The following DNAJC6 variants were observed in gnomAD, a reference collection of about 807,000 sequenced individuals.
DNAJC6 encodes the protein auxilin.
Under a neutral mutation model 110.0 loss-of-function variants are expected in DNAJC6, and 34 were observed. That is an observed-to-expected ratio of 0.31 (90% CI 0.24 to 0.41). The LOEUF (loss-of-function observed/expected upper bound fraction) is 0.41. Among genes scored for constraint, DNAJC6 ranks in the 10% least tolerant of loss-of-function variants. DNAJC6 has a pLI of 1.00. For missense variants in DNAJC6, 1,031 were observed against 1,207.8 expected (o/e 0.85, Z 2.17); for synonymous variants, 406 against 437.2 (o/e 0.93, Z 0.89).
chr1:65,277,613 C>G (rs1653713568), intron 1 of DNAJC6, among the ~76,000 whole-genome samples: 1 of 150,544 alleles, frequency 6.6e-6, no homozygotes, highest in Non-Finnish European at 1.5e-5. Context: ...GGCAAAAAAG[C>G]AAGGGTTTTC....
rs752269070 is a variant in DNAJC6, at chr1:65,379,437, C to G, written c.579C>G (p.Pro193=). The change falls in exon 5 of 19, where the codon CCC becomes CCG. Residue 193 remains proline, a synonymous_variant. Coordinates refer to ENST00000371069, the MANE Select transcript of DNAJC6 (RefSeq NM_001256864.2). ...GCAGTTGGCCCATTAGGCAGGCTCCCAGTCTGCACAACCTTTTTGCTGTGT... is the reference window on the plus strand; with the variant it reads ...GCAGTTGGCCCATTAGGCAGGCTCCGAGTCTGCACAACCTTTTTGCTGTGT... ...SECSWPIRQA[P]SLHNLFAVCR... is the part of the protein sequence containing the mutation. 2.5e-6 allele frequency: 4 copies of G among 1,614,156 alleles called. No homozygotes were observed. Among genetic ancestry groups the G allele is most frequent in the Middle Eastern group, 1.7e-4 (1 of 6,060 alleles).
At chr1:65,335,739 G>A (rs1273637740) in intron 1 of DNAJC6, among the ~76,000 whole-genome samples, 4 of 152,188 alleles carry the variant, frequency 2.6e-5, no homozygotes, top group African/African-American at 7.2e-5. Context: ...ACAGAGGCCT[G>A]TTCCTATAGA....
At chr1:65,291,519 G>A (rs1465715347) in intron 1 of DNAJC6, among the ~76,000 whole-genome samples, 2 of 152,116 alleles carry the variant, frequency 1.3e-5, no homozygotes, top group Non-Finnish European at 2.9e-5. Context: ...AAATGGATTT[G>A]AGTCACTTAG....
chr1:65,369,778 G>A (rs1292306386), intron 4 of DNAJC6, among the ~76,000 whole-genome samples: 1 of 152,150 alleles, frequency 6.6e-6, no homozygotes, highest in Non-Finnish European at 1.5e-5. Flanking sequence ...TTTGCTGAGG[G>A]TTGTCATTCT....
chr1:65,380,061 A>G (rs540656895), intron 5 of DNAJC6, among the ~76,000 whole-genome samples: 3 of 152,282 alleles, frequency 2.0e-5, no homozygotes, highest in Admixed American at 2.0e-4. Context: ...TTACAACTCA[A>G]CTTTCAGTAA....
chr1:65,302,281 T>C (rs1415005767), intron 1 of DNAJC6, among the ~76,000 whole-genome samples: 2 of 20,136 alleles, frequency 9.9e-5, no homozygotes, highest in African/African-American at 5.4e-4. Context: ...TATTATATAA[T>C]ATAATATATA....
intron 4 of DNAJC6, among the ~76,000 whole-genome samples, chr1:65,368,777 T>C (rs1346706885): frequency 9.1e-6 from 1 of 109,702 alleles, no homozygotes; most frequent in African/African-American, 3.4e-5. Flanking sequence ...CCCCTCCCCT[T>C]CCCTTCCCTT....
At position 65,268,600 on chromosome 1, in the gene DNAJC6, A is replaced by G. The variant is rs959296127; in HGVS notation, c.-131+3668A>G. Among the ~76,000 whole-genome samples the G allele has an allele frequency of 3.3e-5, 5 of 152,348 alleles. No homozygotes were observed. In the East Asian group the frequency reaches 9.6e-4, roughly 29 times the overall value. On this transcript the variant is annotated intron_variant, in intron 1 of 19. Coordinates refer to the DNAJC6 transcript ENST00000263441. Reference sequence around the variant, plus strand: ...TACATAGCTAGTTAATGGCAGAGCCATGATTCAAAATCAGGTCTTTTTTTA... The same window carrying G: ...TACATAGCTAGTTAATGGCAGAGCCGTGATTCAAAATCAGGTCTTTTTTTA...
In DNAJC6 at chr1:65,360,440, G is replaced by A. The variant is rs912466554; in HGVS notation, c.194-4195G>A. Among the ~76,000 whole-genome samples, 11 of 152,150 alleles carry A rather than the reference G, an allele frequency of 7.2e-5. 1 individual carries two copies. The highest frequency in any genetic ancestry group is 2.6e-4 in the Admixed American group (4 of 15,272). On this transcript the variant is annotated intron_variant, in intron 1 of 18. Coordinates refer to ENST00000371069, the MANE Select transcript of DNAJC6 (RefSeq NM_001256864.2). ...ATATCTTTTAATAGGCTGGTGCCTT[G>A]TAGTTCTATTCCAGCATAAAACTGA...
rs561389842 is a variant in DNAJC6 at position 65,364,789 on chromosome 1, C to T, written c.344+4C>T. On this transcript the variant is annotated splice_donor_region_variant and intron_variant, in intron 2 of 18. Coordinates refer to ENST00000371069, the MANE Select transcript of DNAJC6 (RefSeq NM_001256864.2). ...GAGTGATACAATCTGTGACCAGGTA[C>T]GCACATTCTTCCCAGTTAATTTAGT... 5.6e-5 allele frequency: 90 copies of T among 1,611,866 alleles called. No individual in the cohort carries two copies. The highest frequency in any genetic ancestry group is 2.3e-4 in the South Asian group (21 of 90,688).
intron 1 of DNAJC6, among the ~76,000 whole-genome samples, chr1:65,280,367 A>G (rs1653807183): frequency 6.6e-6 from 1 of 151,888 alleles, no homozygotes; most frequent in Non-Finnish European, 1.5e-5. Flanking sequence ...CACTCTCCAC[A>G]TTTTTAGTGT....
At chr1:65,292,849 A>G (rs1644893174) in intron 1 of DNAJC6, among the ~76,000 whole-genome samples, 1 of 152,184 alleles carries the variant, frequency 6.6e-6, no homozygotes, top group South Asian at 2.1e-4. Flanking sequence ...AGTAATTTAA[A>G]TGGGCTCAGA....
chr1:65,357,069 T>G (rs754607295), intron 1 of DNAJC6, among the ~76,000 whole-genome samples: 5 of 152,042 alleles, frequency 3.3e-5, no homozygotes, highest in African/African-American at 4.8e-5. Context: ...ATGACACGAG[T>G]TCCTTCCTTG....
intron 1 of DNAJC6, among the ~76,000 whole-genome samples, chr1:65,304,396 T>G (rs1645018617): frequency 6.6e-6 from 1 of 152,220 alleles, no homozygotes. Context: ...TTGCTTTATA[T>G]GTCGCTCTTG....
chr1:65,336,239 A>T (rs180999690), intron 1 of DNAJC6, among the ~76,000 whole-genome samples: 8 of 152,212 alleles, frequency 5.3e-5, no homozygotes, highest in Non-Finnish European at 1.0e-4. Context: ...AAGCAAAAGG[A>T]GGAAAAGTCC....
At chr1:65,326,380 T>G (rs527593726) in intron 1 of DNAJC6, among the ~76,000 whole-genome samples, 25 of 152,264 alleles carry the variant, frequency 1.6e-4, no homozygotes, top group Non-Finnish European at 2.9e-4. Flanking sequence ...GGCCCCTTCT[T>G]GGTTAGGTTG....
intron 12 of DNAJC6, among the ~76,000 whole-genome samples, chr1:65,393,918 A>G (rs1645952922): frequency 6.6e-6 from 1 of 152,100 alleles, no homozygotes; most frequent in African/African-American, 2.4e-5. Flanking sequence ...TCAGAATTAC[A>G]GAGTATTGGT....
At chr1:65,293,722 A>G (rs1644902211) in intron 1 of DNAJC6, among the ~76,000 whole-genome samples, 1 of 152,210 alleles carries the variant, frequency 6.6e-6, no homozygotes, top group Admixed American at 6.5e-5. Context: ...CATTTCTAAT[A>G]CCATTATCAA....
chr1:65,271,560 T>C (rs1034786007), intron 1 of DNAJC6, among the ~76,000 whole-genome samples: 2 of 152,124 alleles, frequency 1.3e-5, no homozygotes, highest in Non-Finnish European at 2.9e-5. Context: ...TGTTTATTCC[T>C]GGGATGTAGA....
Sources: gnomAD v4.1 joint callset for allele counts (sites outside exome capture counted in the v4.1 genomes callset) on GRCh38, gnomAD v4.1.1 for gene constraint, MANE v1.5 for transcripts, NCBI Gene and HGNC (gene_info 2026-07-23, HGNC 2026-07-21) for gene names.